Variants in ZNF248 observed in about 807,000 individuals in gnomAD.
ZNF248 encodes the protein zinc finger protein 248.
ZNF248 carries 20 observed loss-of-function variants against 44.3 expected under a neutral mutation model. The observed-to-expected ratio is 0.45, with a 90% CI of 0.32 to 0.66. The LOEUF (loss-of-function observed/expected upper bound fraction) is 0.66. Ranked by LOEUF, ZNF248 falls within the 30% of genes least tolerant of loss-of-function variation. ZNF248 has a pLI of 0.04. For synonymous variants in ZNF248, 224 were observed against 229.0 expected, an observed-to-expected ratio of 0.98 and a Z score of 0.20; for missense variants, 654 against 677.0, an observed-to-expected ratio of 0.97 and a Z score of 0.38.
At chr10:37,777,343 C>G (rs1452755507) in intron 6 of ZNF248, among the ~76,000 whole-genome samples, 2 of 152,152 alleles carry the variant, frequency 1.3e-5, no homozygotes, top group Non-Finnish European at 1.5e-5. Context: ...TACTAAGCCA[C>G]CCGCTTCCAC....
chr10:37,762,955 T>C, the ZNF248 span, among the ~76,000 whole-genome samples: 3 of 152,176 alleles, frequency 2.0e-5, no homozygotes, highest in Non-Finnish European at 4.4e-5. Context: ...TTTAAAAAAA[T>C]GTGTGTCTAA....
At chr10:37,842,134 AT>A (rs1378413894) in intron 3 of ZNF248, among the ~76,000 whole-genome samples, 10 of 152,212 alleles carry the variant, frequency 6.6e-5, no homozygotes, top group African/African-American at 2.4e-4. Context: ...TGGGAGGTAT[AT>A]GGAAACTCTT....
exon 7 of ZNF248, chr10:37,776,557 C>T (rs535551530): frequency 2.8e-5 from 11 of 398,426 alleles, no homozygotes; most frequent in South Asian, 1.3e-4. Flanking sequence ...TGCTTTCTTC[C>T]GAGGAGCTGA....
At chr10:37,788,253 A>C (rs1463376392) in intron 6 of ZNF248, among the ~76,000 whole-genome samples, 1 of 138,970 alleles carries the variant, frequency 7.2e-6, no homozygotes, top group Non-Finnish European at 1.5e-5. Flanking sequence ...CAACAGTGAG[A>C]CTCCATCTTA....
At position 37,829,420 on chromosome 10, in the gene ZNF248, C is replaced by T; in HGVS notation, c.*2195G>A. On this transcript the variant is annotated 3_prime_UTR_variant, in exon 6 of 6. Coordinates refer to ENST00000395867, the MANE Select transcript of ZNF248 (RefSeq NM_021045.3). ...CAGAAAGAACCATGGCTGATACAAA[C>T]AGCCATCCCTATATTAACTTGTGAA... 2.0e-6 allele frequency: 2 copies of T among 985,372 alleles called. No homozygotes were observed. Among genetic ancestry groups the T allele is most frequent in the Non-Finnish European group, 2.4e-6 (2 of 829,934 alleles). 61.0% of individuals were successfully genotyped at this position (985,372 alleles called of 1,614,324 possible).
downstream of ZNF248, among the ~76,000 whole-genome samples, chr10:37,772,754 C>T (rs996775520): frequency 6.6e-6 from 1 of 152,166 alleles, no homozygotes; most frequent in African/African-American, 2.4e-5. Context: ...TATTCCTGTT[C>T]ATCTTTCCAA....
At chr10:37,813,702 A>G (rs2051943624) in intron 6 of ZNF248, among the ~76,000 whole-genome samples, 1 of 152,158 alleles carries the variant, frequency 6.6e-6, no homozygotes, top group South Asian at 2.1e-4. Context: ...TCTTCTGGTC[A>G]ATAGTATGCC....
At chr10:37,824,560 T>C (rs574473433), downstream of ZNF248, among the ~76,000 whole-genome samples, 1 of 152,100 alleles carries the variant, frequency 6.6e-6, no homozygotes, top group East Asian at 1.9e-4. Flanking sequence ...ATAAATATAC[T>C]TGATATGGAA....
chr10:37,768,646 C>T, the ZNF248 span, among the ~76,000 whole-genome samples: 1 of 152,112 alleles, frequency 6.6e-6, no homozygotes, highest in African/African-American at 2.4e-5. Context: ...ATTTATAGCA[C>T]TAAATGCCGA....
At chr10:37,808,457 T>A (rs1314259122) in intron 6 of ZNF248, among the ~76,000 whole-genome samples, 2 of 151,938 alleles carry the variant, frequency 1.3e-5, no homozygotes, top group South Asian at 2.1e-4. Flanking sequence ...TGATTTTTTT[T>A]AATTTTTAGT....
intron 6 of ZNF248, among the ~76,000 whole-genome samples, chr10:37,814,280 T>C (rs919709283): frequency 6.6e-6 from 1 of 152,224 alleles, no homozygotes; most frequent in Non-Finnish European, 1.5e-5. Flanking sequence ...ACTCCGCTCC[T>C]ACACAGCACT....
chr10:37,819,230 TC>T (rs1358683702), intron 6 of ZNF248: 13 of 839,246 alleles, frequency 1.5e-5, no homozygotes, highest in Non-Finnish European at 2.5e-5. Flanking sequence ...GGCCTCTTTC[TC>T]TGACATTAAT....
intron 6 of ZNF248, among the ~76,000 whole-genome samples, chr10:37,816,293 C>A (rs182786177): frequency 2.6e-5 from 4 of 152,332 alleles, no homozygotes; most frequent in African/African-American, 9.6e-5. Context: ...GTCTGCACCT[C>A]CACGATCAGA....
downstream of ZNF248, among the ~76,000 whole-genome samples, chr10:37,825,006 G>A (rs2054150753): frequency 6.6e-6 from 1 of 151,568 alleles, no homozygotes; most frequent in Non-Finnish European, 1.5e-5. Context: ...TTAAAAGCTT[G>A]AAGTAATTTG....
chr10:37,857,810 G>T (rs909767593), upstream of ZNF248: 1 of 152,448 alleles, frequency 6.6e-6, no homozygotes, highest in Non-Finnish European at 1.5e-5. Flanking sequence ...GGGACTGGAC[G>T]CATACGGACC....
Position 37,829,799 on chromosome 10 carries a change from T to C in ZNF248, c.*1816A>G. ...GTATCAAGGAGATCTTTCCCAGAAG[T>C]ACTACACAATACTTCCCAAACATCT... On this transcript the variant is annotated 3_prime_UTR_variant, in exon 6 of 6. Coordinates refer to ENST00000395867, the MANE Select transcript of ZNF248 (RefSeq NM_021045.3). 1 of 985,384 alleles carries C rather than the reference T, an allele frequency of 1.0e-6. No individual in the cohort carries two copies. Among genetic ancestry groups the C allele is most frequent in the East Asian group, 1.1e-4 (1 of 8,806 alleles). The allele number at this position is 985,384 out of a possible 1,614,324, so 61.0% of individuals were successfully genotyped here.
intron 3 of ZNF248, among the ~76,000 whole-genome samples, chr10:37,838,358 A>G (rs2057662609): frequency 6.6e-6 from 1 of 152,220 alleles, no homozygotes; most frequent in Non-Finnish European, 1.5e-5. Context: ...TAGAGTGCTT[A>G]TGACCTGAAA....
At chr10:37,771,821 A>G (rs2046251230), downstream of ZNF248, among the ~76,000 whole-genome samples, 1 of 152,168 alleles carries the variant, frequency 6.6e-6, no homozygotes, top group Non-Finnish European at 1.5e-5. Flanking sequence ...CACCAAGATC[A>G]ATGACTAATC....
At chr10:37,821,397 T>G (rs1272272440) in intron 6 of ZNF248, among the ~76,000 whole-genome samples, 1 of 152,206 alleles carries the variant, frequency 6.6e-6, no homozygotes, top group Non-Finnish European at 1.5e-5. Flanking sequence ...TGGATGTATA[T>G]GCAGGCCTCA....
Sources: allele counts gnomAD v4.1 joint callset (sites outside exome capture counted in the v4.1 genomes callset), GRCh38; gene constraint gnomAD v4.1.1; transcripts MANE v1.5; gene names NCBI Gene and HGNC (gene_info 2026-07-23, HGNC 2026-07-21).